The following BLK variants were observed in gnomAD, a reference collection of about 807,000 sequenced individuals.
The protein encoded by BLK is tyrosine-protein kinase Blk.
In BLK, 64 loss-of-function variants were observed where a neutral mutation model predicts 61.8. The ratio of observed to expected loss-of-function variants is 1.03; its 90% CI spans 0.85 to 1.27. The LOEUF (loss-of-function observed/expected upper bound fraction) is 1.27, where lower values mean the gene tolerates loss of function less well. BLK is among the 50% of genes most tolerant of loss of function. The probability of loss-of-function intolerance (pLI) is 0.00; values close to 1 mark genes in which losing one functional copy is unlikely to be tolerated. For synonymous variants in BLK, 351 were observed against 272.0 expected, an observed-to-expected ratio of 1.29 and a Z score of -2.86; for missense variants, 853 against 660.5, an observed-to-expected ratio of 1.29 and a Z score of -3.19.
intron 1 of BLK, among the ~76,000 whole-genome samples, chr8:11,497,421 C>G (rs974943893): frequency 6.6e-6 from 1 of 152,122 alleles, no homozygotes; most frequent in Non-Finnish European, 1.5e-5. Context: ...AGGGCAGGTG[C>G]GAATGTCTCC....
chr8:11,497,070 C>T (rs1386960592), intron 1 of BLK, among the ~76,000 whole-genome samples: 5 of 152,050 alleles, frequency 3.3e-5, no homozygotes, highest in Admixed American at 3.3e-4. Context: ...CGGGTGAGCC[C>T]TACTCAAAGG....
At chr8:11,516,588 C>G (rs929517451) in intron 1 of BLK, among the ~76,000 whole-genome samples, 1 of 152,130 alleles carries the variant, frequency 6.6e-6, no homozygotes, top group Non-Finnish European at 1.5e-5. Flanking sequence ...ACTAACTCCC[C>G]GACCCAGCCC....
intron 1 of BLK, among the ~76,000 whole-genome samples, chr8:11,501,928 T>C (rs1240319799): frequency 3.9e-5 from 6 of 152,268 alleles, no homozygotes; most frequent in Non-Finnish European, 7.3e-5. Flanking sequence ...CACAGTGTTC[T>C]AGCTACAGAC....
intron 9 of BLK, among the ~76,000 whole-genome samples, 160 bp downstream of exon 9, chr8:11,556,997 G>T (rs765458339): frequency 1.3e-5 from 2 of 151,972 alleles, no homozygotes; most frequent in Admixed American, 6.6e-5. Context: ...GGAGGGGGAG[G>T]GACAGAGGGA....
chr8:11,564,151 C>A lies in BLK; in HGVS notation c.*43C>A. On this transcript the variant is annotated 3_prime_UTR_variant, in exon 13 of 13. Coordinates refer to ENST00000259089, the MANE Select transcript of BLK (RefSeq NM_001715.3). Reference sequence around the variant, plus strand: ...CGCCCCGTGCCCACCTCTGCGCGGACGACCCCGACTTCCGTGCCATCCCAG... The same window carrying A: ...CGCCCCGTGCCCACCTCTGCGCGGAAGACCCCGACTTCCGTGCCATCCCAG... 1 of 1,530,206 alleles carries A rather than the reference C, an allele frequency of 6.5e-7. No individual in the cohort carries two copies. Among genetic ancestry groups the A allele is most frequent in the Non-Finnish European group, 8.8e-7 (1 of 1,142,018 alleles). 94.8% of individuals were successfully genotyped at this position (1,530,206 alleles called of 1,614,324 possible).
intron 1 of BLK, 23 bp from the exon 2 acceptor site, chr8:11,543,200 CT>C: frequency 6.2e-7 from 1 of 1,613,542 alleles, no homozygotes; most frequent in African/African-American, 1.3e-5. Flanking sequence ...CTCATGTCCT[CT>C]GTCTGCTGTG....
chr8:11,556,251 A>T (rs1801215915), intron 8 of BLK: 1 of 309,870 alleles, frequency 3.2e-6, no homozygotes, highest in Admixed American at 4.2e-5. Flanking sequence ...CTTCAGAAGG[A>T]GGGAAGGAGA....
intron 1 of BLK, among the ~76,000 whole-genome samples, chr8:11,510,183 A>G (rs906667276): frequency 1.3e-5 from 2 of 152,224 alleles, no homozygotes; most frequent in African/African-American, 2.4e-5. Context: ...AGGAATTACG[A>G]TGATATGGGG....
chr8:11,559,850 C>G (rs982104005), intron 10 of BLK: 3 of 456,036 alleles, frequency 6.6e-6, no homozygotes, highest in African/African-American at 6.0e-5. Flanking sequence ...TTTCCCTGGA[C>G]AAGAAACTGC....
intron 1 of BLK, among the ~76,000 whole-genome samples, chr8:11,518,036 G>A (rs1347608075): frequency 2.0e-5 from 3 of 152,206 alleles, no homozygotes; most frequent in Non-Finnish European, 4.4e-5. Flanking sequence ...TGCCCCAGAT[G>A]CCAGCACTCA....
At chr8:11,556,571 T>C (rs1801234534) in intron 8 of BLK, 87 bp from the exon 9 acceptor site, 4 of 1,535,798 alleles carry the variant, frequency 2.6e-6, no homozygotes, top group Non-Finnish European at 3.6e-6. Context: ...GGGTGGCACC[T>C]GGGCACTTAC....
intron 1 of BLK, among the ~76,000 whole-genome samples, chr8:11,513,128 G>C (rs545694191): frequency 6.6e-6 from 1 of 152,152 alleles, no homozygotes; most frequent in African/African-American, 2.4e-5. Context: ...GATCCCTACT[G>C]TCCATGCCCA....
chr8:11,507,548 A>C (rs947365976), intron 1 of BLK, among the ~76,000 whole-genome samples: 3 of 152,230 alleles, frequency 2.0e-5, no homozygotes, highest in Non-Finnish European at 4.4e-5. Flanking sequence ...TTGAAGAGAC[A>C]GGAGCTTAGT....
chr8:11,498,004 G>A (rs925327561), intron 1 of BLK, among the ~76,000 whole-genome samples: 3 of 152,224 alleles, frequency 2.0e-5, no homozygotes, highest in South Asian at 4.1e-4. Flanking sequence ...AGACATAGAC[G>A]AGGCTCCTCC....
chr8:11,553,939 G>C (rs1444769818), intron 6 of BLK, among the ~76,000 whole-genome samples: 2 of 152,156 alleles, frequency 1.3e-5, no homozygotes, highest in Non-Finnish European at 2.9e-5. Flanking sequence ...CTGGCGGGGA[G>C]GCGTGGTACT....
intron 1 of BLK, among the ~76,000 whole-genome samples, chr8:11,535,135 G>A (rs1325223338): frequency 2.0e-5 from 3 of 151,366 alleles, no homozygotes; most frequent in African/African-American, 4.9e-5. Context: ...CCATGATCAC[G>A]CCTCTGCACT....
intron 1 of BLK, among the ~76,000 whole-genome samples, chr8:11,520,205 G>A (rs375767365): frequency 7.2e-5 from 11 of 152,104 alleles, no homozygotes; most frequent in African/African-American, 1.9e-4. Flanking sequence ...AGCCAGGCAC[G>A]GTGGCTCACA....
At position 11,545,689 on chromosome 8, in the gene BLK, T is replaced by C. The variant is rs115186079; in HGVS notation, c.124-363T>C. On this transcript the variant is annotated intron_variant, in intron 2 of 12. Coordinates refer to ENST00000259089, the MANE Select transcript of BLK (RefSeq NM_001715.3). ...ATGTTTGTCGAGTTTTGGGGAAATA[T>C]GCTTTTTAAATATTTTTTCTTGTCA... 3.1e-3 allele frequency: 1,017 copies of C among 332,976 alleles called. 8 individuals are homozygous for C. The highest frequency in any genetic ancestry group is 0.02 in the African/African-American group (942 of 47,918). 20.6% of individuals were successfully genotyped at this position (332,976 alleles called of 1,614,324 possible).
chr8:11,518,543 C>G lies in BLK; in HGVS notation c.-2+23952C>G, dbSNP rs113760146. ...GGCATCTCAGCATTTCCATCCACTTCTCTATTTCCACTAACAATGCCCTAG... is the reference window on the plus strand; with the variant it reads ...GGCATCTCAGCATTTCCATCCACTTGTCTATTTCCACTAACAATGCCCTAG... On this transcript the variant is annotated intron_variant, in intron 1 of 12. Coordinates refer to ENST00000259089, the MANE Select transcript of BLK (RefSeq NM_001715.3). Among the ~76,000 whole-genome samples, 951 of 152,142 alleles carry G rather than the reference C, an allele frequency of 6.3e-3. 3 individuals are homozygous for G. The highest frequency in any genetic ancestry group is 0.014 in the Middle Eastern group (4 of 294).
Sources: allele counts gnomAD v4.1 joint callset (sites outside exome capture counted in the v4.1 genomes callset), GRCh38; gene constraint gnomAD v4.1.1; transcripts MANE v1.5; gene names NCBI Gene and HGNC (gene_info 2026-07-23, HGNC 2026-07-21).